Variants in STAG1 observed in about 807,000 individuals in gnomAD.
STAG1 encodes STAG1 cohesin complex component.
Under a neutral mutation model 170.9 loss-of-function variants are expected in STAG1, and 26 were observed. The observed-to-expected ratio is 0.15, with a 90% CI of 0.11 to 0.21. STAG1 has a LOEUF of 0.21. Among genes scored for constraint, STAG1 ranks in the 10% least tolerant of loss-of-function variants. The probability of loss-of-function intolerance (pLI) is 1.00; values close to 1 mark genes in which losing one functional copy is unlikely to be tolerated. For synonymous variants in STAG1, 514 were observed against 497.7 expected, an observed-to-expected ratio of 1.03 and a Z score of -0.44; for missense variants, 964 against 1,509.5, an observed-to-expected ratio of 0.64 and a Z score of 5.99.
intron 7 of STAG1, among the ~76,000 whole-genome samples, chr3:136,517,801 C>T (rs1934459826): frequency 6.6e-6 from 1 of 151,790 alleles, no homozygotes; most frequent in African/African-American, 2.4e-5. Flanking sequence ...AAAATAAGGG[C>T]ACTTAGCTCT....
intron 1 of STAG1, among the ~76,000 whole-genome samples, chr3:136,686,851 A>T (rs1175064172): frequency 1.3e-5 from 2 of 152,200 alleles, no homozygotes; most frequent in African/African-American, 4.8e-5. Context: ...AGTAATTCAG[A>T]GCAATCCTAA....
At chr3:136,351,288 T>C (rs1936425216) in intron 28 of STAG1, among the ~76,000 whole-genome samples, 1 of 152,162 alleles carries the variant, frequency 6.6e-6, no homozygotes, top group Non-Finnish European at 1.5e-5. Flanking sequence ...TCTTCTTATA[T>C]GAAAGAAGGA....
intron 14 of STAG1, among the ~76,000 whole-genome samples, chr3:136,451,170 A>C (rs751613348): frequency 2.2e-5 from 2 of 92,876 alleles, no homozygotes; most frequent in African/African-American, 3.5e-5. Flanking sequence ...ACAATATATT[A>C]AAAAAAAAAA....
chr3:136,728,887 C>T (rs924903227), intron 1 of STAG1, among the ~76,000 whole-genome samples: 8 of 152,282 alleles, frequency 5.3e-5, no homozygotes, highest in African/African-American at 1.7e-4. Context: ...TAATCTAATA[C>T]TTTGACATGT....
chr3:136,542,499 G>C (rs953903484), intron 5 of STAG1, among the ~76,000 whole-genome samples: 10 of 151,864 alleles, frequency 6.6e-5, no homozygotes, highest in African/African-American at 2.4e-4. Context: ...GCTGATAAAA[G>C]TATATAATTT....
rs904610863 is a variant in STAG1 at position 136,743,752 on chromosome 3, C to T, written c.-84+8443G>A. On this transcript the variant is annotated intron_variant, in intron 1 of 33. Transcript: ENST00000383202. ...CCTTTTTTATGAAGCCATCATAACC[C>T]AAATACCAAAACCTGACAAAGACAT... Among the ~76,000 whole-genome samples, 28 of 151,994 alleles carry T rather than the reference C, an allele frequency of 1.8e-4. 1 individual carries two copies. The highest frequency in any genetic ancestry group is 1.2e-3 in the Admixed American group (18 of 15,242).
chr3:136,442,803 G>A (rs925371769), intron 15 of STAG1, among the ~76,000 whole-genome samples: 1 of 152,128 alleles, frequency 6.6e-6, no homozygotes, highest in African/African-American at 2.4e-5. Context: ...ACTTTGGAGG[G>A]CTAAGGCAGG....
intron 22 of STAG1, among the ~76,000 whole-genome samples, chr3:136,391,746 A>G (rs2087016822): frequency 6.6e-6 from 1 of 152,206 alleles, no homozygotes; most frequent in South Asian, 2.1e-4. Flanking sequence ...AGCTGAAGGA[A>G]GAAGGATGTT....
chr3:136,750,179 CATTTT>C lies in STAG1; in HGVS notation c.-84+2011_-84+2015del, dbSNP rs200294870. 6.2e-4 allele frequency among the ~76,000 whole-genome samples: 95 copies of C among 152,204 alleles called. 1 individual carries two copies. Among genetic ancestry groups the C allele is most frequent in the Admixed American group, 9.8e-4 (15 of 15,270 alleles). On this transcript the variant is annotated intron_variant, in intron 1 of 33. Transcript: ENST00000383202. ...CACAATCACCGTAAGATACTATCCC[CATTTT>C]ATTTTATTTTTTTAAAGAGATGGAG...
intron 1 of STAG1, among the ~76,000 whole-genome samples, chr3:136,749,037 C>G (rs1054585755): frequency 6.6e-6 from 1 of 152,156 alleles, no homozygotes. Flanking sequence ...TCTTTTCCTA[C>G]GGCAGGCAAA....
At chr3:136,505,536 T>C (rs1933714173) in intron 7 of STAG1, among the ~76,000 whole-genome samples, 1 of 152,228 alleles carries the variant, frequency 6.6e-6, no homozygotes, top group South Asian at 2.1e-4. Flanking sequence ...AGTACTAGGT[T>C]GTGACAGATT....
intron 22 of STAG1, among the ~76,000 whole-genome samples, chr3:136,394,603 C>T (rs2108333249): frequency 6.6e-6 from 1 of 151,642 alleles, no homozygotes; most frequent in South Asian, 2.1e-4. Flanking sequence ...TGGTGAAACC[C>T]CATCTCTACA....
At chr3:136,557,079 A>G (rs905761823) in intron 5 of STAG1, among the ~76,000 whole-genome samples, 3 of 151,976 alleles carry the variant, frequency 2.0e-5, no homozygotes, top group Non-Finnish European at 4.4e-5. Flanking sequence ...CAAAAATCCC[A>G]AACAATTAGC....
chr3:136,654,093 G>A (rs1941298853), intron 1 of STAG1, among the ~76,000 whole-genome samples: 1 of 152,168 alleles, frequency 6.6e-6, no homozygotes, highest in South Asian at 2.1e-4. Flanking sequence ...AAGAATGCCT[G>A]CTTTTACTAC....
At chr3:136,740,591 T>C (rs1340505953) in intron 1 of STAG1, among the ~76,000 whole-genome samples, 1 of 152,124 alleles carries the variant, frequency 6.6e-6, no homozygotes, top group East Asian at 1.9e-4. Context: ...AACTATCCTC[T>C]GCCTCAGCCC....
At chr3:136,525,384 G>C (rs1427985806) in intron 6 of STAG1, among the ~76,000 whole-genome samples, 1 of 152,202 alleles carries the variant, frequency 6.6e-6, no homozygotes, top group Non-Finnish European at 1.5e-5. Context: ...TATTTGCGTA[G>C]AGGTGTTTAT....
intron 1 of STAG1, among the ~76,000 whole-genome samples, chr3:136,714,329 C>T (rs1173836667): frequency 1.3e-5 from 2 of 152,182 alleles, no homozygotes; most frequent in African/African-American, 4.8e-5. Flanking sequence ...AGCACAGTAG[C>T]TCACACTTGT....
chr3:136,437,825 T>G (rs1160904535), intron 15 of STAG1, among the ~76,000 whole-genome samples: 3 of 152,186 alleles, frequency 2.0e-5, no homozygotes, highest in Non-Finnish European at 4.4e-5. Context: ...TCCACAATCT[T>G]TAACTCAGCC....
At chr3:136,500,178 T>C (rs755068997) in intron 9 of STAG1, 45 bp downstream of exon 9, 70 of 1,243,020 alleles carry the variant, frequency 5.6e-5, no homozygotes, top group Middle Eastern at 3.9e-4. Context: ...AAATCAATAA[T>C]TGTTTAAGTG....
Sources: gnomAD v4.1 joint callset for allele counts (sites outside exome capture counted in the v4.1 genomes callset) on GRCh38, gnomAD v4.1.1 for gene constraint, MANE v1.5 for transcripts, NCBI Gene and HGNC (gene_info 2026-07-23, HGNC 2026-07-21) for gene names.